The following SFI1 variants were observed in gnomAD, a reference collection of about 807,000 sequenced individuals.
SFI1 encodes protein SFI1 homolog.
A neutral mutation model predicts 207.5 loss-of-function variants in SFI1; 195 were observed. That is an observed-to-expected ratio of 0.94 (90% CI 0.84 to 1.06). The LOEUF (loss-of-function observed/expected upper bound fraction) is 1.06, where lower values mean the gene tolerates loss of function less well. SFI1 is among the 50% of genes least tolerant of loss of function. SFI1 has a pLI of 0.00. For missense variants in SFI1, 1,634 were observed against 1,588.0 expected (o/e 1.03, Z -0.49); for synonymous variants, 630 against 598.9 (o/e 1.05, Z -0.76).
Position 31,598,709 on chromosome 22 carries a change from G to A in SFI1, c.1545-3503G>A, listed in dbSNP as rs565364514. Among the ~76,000 whole-genome samples, 35 of 8,742 alleles carry A rather than the reference G, an allele frequency of 4.0e-3. No individual in the cohort carries two copies. The East Asian group carries it at 0.22, about 54-fold the overall frequency. 5.7% of individuals were successfully genotyped at this position (8,742 alleles called of 152,430 possible). On this transcript the variant is annotated intron_variant, in intron 15 of 32. Transcript: ENST00000400288. ...TGGGATTACAGGCATAAGCCACTGCGCCTGGCCTTTTTTTTTTTTTTTTTT... is the reference window on the plus strand; with the variant it reads ...TGGGATTACAGGCATAAGCCACTGCACCTGGCCTTTTTTTTTTTTTTTTTT...
Position 31,606,319 on chromosome 22 carries a change from C to T in SFI1, c.2055-9C>T. On this transcript the variant is annotated splice_polypyrimidine_tract_variant and intron_variant, in intron 20 of 32. Transcript: ENST00000400288. ...GTCATCTGCCTTCCTCGCACCCATGCATCTGCAGCGGGGCATTACGTCGCT... is the reference window on the plus strand; with the variant it reads ...GTCATCTGCCTTCCTCGCACCCATGTATCTGCAGCGGGGCATTACGTCGCT... 3 of 1,611,952 alleles carry T rather than the reference C, an allele frequency of 1.9e-6. No individual in the cohort carries two copies. Among genetic ancestry groups the T allele is most frequent in the Non-Finnish European group, 2.5e-6 (3 of 1,178,400 alleles).
chr22:31,594,010 GAGAGGGAGAGGGAGAGGGA>G (rs2066646254), intron 15 of SFI1, among the ~76,000 whole-genome samples: 1 of 145,750 alleles, frequency 6.9e-6, no homozygotes, highest in Admixed American at 6.8e-5. Flanking sequence ...GAGGGACAGG[GAGAGGGAGAGGGAGAGGGA>G]GGTGTCCATC....
chr22:31,613,378 G>T lies in SFI1; in HGVS notation c.2590G>T (p.Val864Leu), dbSNP rs1315052757. ...GGTGTGGGCCACGTGGCTGGCCTTTGTACTGGAAAGGAGGAGAAAGAAGGC... is the reference window on the plus strand; with the variant it reads ...GGTGTGGGCCACGTGGCTGGCCTTTTTACTGGAAAGGAGGAGAAAGAAGGC... ...AKVWATWLAF[V>L]LERRRKKARL... Residue 864 changes from valine (V) to leucine (L), a missense_variant, in exon 26 of 33, where the codon GTA (valine) becomes TTA (leucine). Val to Leu is a conservative substitution (Grantham distance 32). Transcript: ENST00000400288. 1.9e-6 allele frequency: 3 copies of T among 1,611,646 alleles called. No individual in the cohort carries two copies. In the South Asian group the frequency reaches 3.3e-5, roughly 18 times the overall value.
intron 24 of SFI1, chr22:31,612,398 A>AAAAAAAAAAAATATATATAT (rs1556369798): frequency 3.3e-5 from 2 of 60,192 alleles, no homozygotes; most frequent in African/African-American, 6.7e-5. Flanking sequence ...AAAAAAAAAA[A>AAAAAAAAAAAATATATATAT]ATATATATAT....
At chr22:31,598,660 G>A (rs187691094) in intron 15 of SFI1, among the ~76,000 whole-genome samples, 28 of 132,256 alleles carry the variant, frequency 2.1e-4, no homozygotes, top group South Asian at 7.7e-4. Flanking sequence ...CTCGTGATCC[G>A]CCCGCCTCGG....
chr22:31,564,957 G>A (rs2062123741), intron 8 of SFI1, among the ~76,000 whole-genome samples: 1 of 150,692 alleles, frequency 6.6e-6, no homozygotes, highest in Admixed American at 6.6e-5. Flanking sequence ...GGGACTACAG[G>A]CGCCCGCCAC....
Position 31,606,352 on chromosome 22 carries a change from G to T in SFI1, c.2079G>T (p.Glu693Asp). 6.2e-7 allele frequency: 1 copy of T among 1,613,876 alleles called. No homozygotes were observed. The highest frequency in any genetic ancestry group is 8.5e-7 in the Non-Finnish European group (1 of 1,180,024). Residue 693 changes from glutamate (E) to aspartate (D), a missense_variant, in exon 21 of 33, where the codon GAG becomes GAT. Coordinates refer to ENST00000400288, the MANE Select transcript of SFI1 (RefSeq NM_001007467.3). The stretch of plus-strand genomic sequence containing the variant: ...GCGGGGCATTACGTCGCTGGAAAGA[G>T]AACACCATGGCCCGAGTGGATGAAG... The part of the protein sequence containing the change: ...LLRGALRRWK[E>D]NTMARVDEAK...
Position 31,528,776 on chromosome 22 carries a change from G to A in SFI1, c.179G>A (p.Arg60Lys), listed in dbSNP as rs1367194179. 2.5e-6 allele frequency: 4 copies of A among 1,614,026 alleles called. No homozygotes were observed. The highest frequency in any genetic ancestry group is 2.2e-5 in the South Asian group (2 of 91,090). Residue 60 changes from arginine (R) to lysine (K), a missense_variant, in exon 3 of 33, where the codon AGG becomes AAG. Coordinates refer to ENST00000400288, the MANE Select transcript of SFI1 (RefSeq NM_001007467.3). Reference protein sequence around the residue: ...KKSSASFGIRRELPSTSHLVQ... With the variant: ...KKSSASFGIRKELPSTSHLVQ... ...TCTTCTGCATCCTTTGGGATCCGGAGGGAGTTACCTAGTACCAGTCATCTA... is the reference window on the plus strand; with the variant it reads ...TCTTCTGCATCCTTTGGGATCCGGAAGGAGTTACCTAGTACCAGTCATCTA...
intron 15 of SFI1, among the ~76,000 whole-genome samples, chr22:31,596,636 C>G (rs1158170488): frequency 1.3e-5 from 2 of 151,790 alleles, no homozygotes; most frequent in Non-Finnish European, 2.9e-5. Context: ...ACTAAAAATA[C>G]AAAAATTGGC....
chr22:31,585,252 G>C, intron 14 of SFI1, 118 bp downstream of exon 14: 1 of 797,890 alleles, frequency 1.3e-6, no homozygotes, highest in African/African-American at 1.8e-5. Context: ...CTTTGGAAGA[G>C]AGGGTGTTGA....
At chr22:31,572,553 G>A (rs191156114) in intron 8 of SFI1, among the ~76,000 whole-genome samples, 26 of 152,192 alleles carry the variant, frequency 1.7e-4, no homozygotes, top group Non-Finnish European at 3.5e-4. Context: ...CCAGGCTGGA[G>A]TGCAGTGGTG....
intron 19 of SFI1, 76 bp downstream of exon 19, chr22:31,604,480 G>A (rs541354571): frequency 3.2e-6 from 4 of 1,266,638 alleles, no homozygotes; most frequent in East Asian, 5.2e-5. Context: ...TTCCTTCCTT[G>A]TTCTTCCTGT....
chr22:31,529,330 C>T lies in SFI1; in HGVS notation c.266+467C>T, dbSNP rs562940020. ...TGGGAGGCCGAGGCAGGTGGATCACCTGAGGTCAGGAGTTTGAGACCCCGT... is the reference window on the plus strand; with the variant it reads ...TGGGAGGCCGAGGCAGGTGGATCACTTGAGGTCAGGAGTTTGAGACCCCGT... On this transcript the variant is annotated intron_variant, in intron 3 of 32. Transcript: ENST00000400288. Among the ~76,000 whole-genome samples, 51 of 151,452 alleles carry T rather than the reference C, an allele frequency of 3.4e-4. 1 individual carries two copies. The South Asian group carries it at 7.5e-3, about 22-fold the overall frequency.
chr22:31,601,128 CTTTTTTTTT>C (rs11354377), intron 15 of SFI1, among the ~76,000 whole-genome samples: 5 of 80,316 alleles, frequency 6.2e-5, no homozygotes, highest in Admixed American at 1.5e-4. Context: ...CTTTTCTTTA[CTTTTTTTTT>C]TTTTTTTTTT....
At chr22:31,615,375 A>C in intron 29 of SFI1, 96 bp downstream of exon 29, 3 of 1,188,036 alleles carry the variant, frequency 2.5e-6, no homozygotes, top group Admixed American at 3.4e-5. Context: ...TTTCTGGAAA[A>C]CCTTGGCACA....
intron 4 of SFI1, among the ~76,000 whole-genome samples, chr22:31,534,933 C>G (rs144859260): frequency 0.012 from 1,738 of 143,420 alleles, 10 homozygotes; most frequent in Middle Eastern, 0.036. Flanking sequence ...GAGTGCAGTG[C>G]CATGATCTCA....
Position 31,618,572 on chromosome 22 carries a change from A to C in SFI1, c.*154A>C. Reference sequence around the variant, plus strand: ...CAGAAGTCTCCCACTTTTCATACAAAAATACTGTGCTACTGATACAGTTGA... The same window carrying C: ...CAGAAGTCTCCCACTTTTCATACAACAATACTGTGCTACTGATACAGTTGA... On this transcript the variant is annotated 3_prime_UTR_variant, in exon 33 of 33. Transcript: ENST00000400288. The C allele has an allele frequency of 1.3e-6, 1 of 740,738 alleles. No homozygotes were observed. The highest frequency in any genetic ancestry group is 2.0e-6 in the Non-Finnish European group (1 of 499,976). The allele number at this position is 740,738 out of a possible 1,614,324, so 45.9% of individuals were successfully genotyped here.
At position 31,575,249 on chromosome 22, in the gene SFI1, A is replaced by G. The variant is rs2063363380; in HGVS notation, c.941A>G (p.His314Arg). The change falls in exon 10 of 33, where the codon CAT becomes CGT. Residue 314 changes from histidine (H) to arginine (R), a missense_variant. Transcript: ENST00000400288. The stretch of plus-strand genomic sequence containing the variant: ...GTTGCAGAGATGGCTGAGCGATTCC[A>G]TCATGTCACTGTGCTCCAGATATAC... Reference protein sequence around the residue: ...RQQNEMAERFHHVTVLQIYFC... With the variant: ...RQQNEMAERFRHVTVLQIYFC... The G allele has an allele frequency of 8.1e-6, 13 of 1,611,002 alleles. No individual in the cohort carries two copies. The highest frequency in any genetic ancestry group is 1.0e-5 in the Non-Finnish European group (12 of 1,178,672).
Position 31,618,093 on chromosome 22 carries a change from A to C in SFI1, c.3513-22A>C, listed in dbSNP as rs538335034. 5.1e-6 allele frequency: 8 copies of C among 1,553,746 alleles called. No individual in the cohort carries two copies. The East Asian group carries it at 1.9e-4, about 37-fold the overall frequency. On this transcript the variant is annotated intron_variant, in intron 31 of 32. Coordinates refer to ENST00000400288, the MANE Select transcript of SFI1 (RefSeq NM_001007467.3). ...CTGCCAAGGACCCAGCCTGGCAGGC[A>C]GTGGGTATCTCCACCCCTCAGGTCC... is the stretch of plus-strand genomic sequence containing the variant.
Sources: gnomAD v4.1 joint callset for allele counts (sites outside exome capture counted in the v4.1 genomes callset) on GRCh38, gnomAD v4.1.1 for gene constraint, MANE v1.5 for transcripts, NCBI Gene and HGNC (gene_info 2026-07-23, HGNC 2026-07-21) for gene names.